PCDHA2: variants seen among roughly 807,000 people sequenced by gnomAD.
PCDHA2 encodes protocadherin alpha 2, also known as protocadherin alpha-2.
PCDHA2 carries 58 observed loss-of-function variants against 66.0 expected under a neutral mutation model. The ratio of observed to expected loss-of-function variants is 0.88; its 90% CI spans 0.71 to 1.09. The LOEUF (loss-of-function observed/expected upper bound fraction) is 1.09, where lower values mean the gene tolerates loss of function less well. Ranked by LOEUF, PCDHA2 falls within the 50% of genes least tolerant of loss-of-function variation. PCDHA2 has a pLI of 0.00. For synonymous variants in PCDHA2, 634 were observed against 554.0 expected, an observed-to-expected ratio of 1.14 and a Z score of -2.03; for missense variants, 1,267 against 1,242.3, an observed-to-expected ratio of 1.02 and a Z score of -0.30.
In PCDHA2 at chr5:140,843,009, C is replaced by T. The variant is rs2150350021; in HGVS notation, c.2388+45657C>T. ...GTGCTGGACGAGAATGACAACGCGC[C>T]GGCACTGCTGGAGCCTCGGGTGGGT... On this transcript the variant is annotated intron_variant, in intron 1 of 3. Coordinates refer to ENST00000526136, the MANE Select transcript of PCDHA2 (RefSeq NM_018905.3). 32 of 1,595,058 alleles carry T rather than the reference C, an allele frequency of 2.0e-5. 4 individuals carry two copies. In the Middle Eastern group the frequency reaches 6.8e-4, roughly 34 times the overall value.
chr5:140,803,196 G>A (rs782115337), intron 1 of PCDHA2: 2 of 1,613,924 alleles, frequency 1.2e-6, no homozygotes, highest in Middle Eastern at 3.3e-4. Flanking sequence ...CACTGTGCTG[G>A]TGTCGCTGGT....
At chr5:140,962,840 T>C (rs1554226297) in intron 1 of PCDHA2, among the ~76,000 whole-genome samples, 6 of 152,348 alleles carry the variant, frequency 3.9e-5, no homozygotes, top group African/African-American at 2.4e-5. Context: ...TTTTTTATTA[T>C]ATAACTTGTG....
chr5:140,847,794 A>G (rs1581138286), intron 1 of PCDHA2: 1 of 149,890 alleles, frequency 6.7e-6, no homozygotes, highest in Admixed American at 6.7e-5. Context: ...GCAATATTTT[A>G]TACCTTTTCA....
chr5:140,836,668 A>G (rs1404155432), intron 1 of PCDHA2: 5 of 1,613,218 alleles, frequency 3.1e-6, no homozygotes, highest in East Asian at 4.5e-5. Context: ...TGCTCTGGGG[A>G]GGGCCCACCC....
intron 1 of PCDHA2, among the ~76,000 whole-genome samples, chr5:140,914,983 G>C (rs2076933598): frequency 7.2e-6 from 1 of 139,166 alleles, no homozygotes; most frequent in Non-Finnish European, 1.5e-5. Context: ...GTCTTGCTCT[G>C]CTACCAGGCT....
chr5:140,857,567 G>T (rs139473255), intron 1 of PCDHA2: 8 of 1,596,870 alleles, frequency 5.0e-6, no homozygotes, highest in African/African-American at 2.7e-5. Flanking sequence ...GTCGAGCTAC[G>T]TGTCGGTGCA....
rs2045560608 is a variant in PCDHA2 at position 140,858,685 on chromosome 5, T to G, written c.2388+61333T>G. The G allele has an allele frequency of 1.3e-5, 8 of 595,874 alleles. No homozygotes were observed. The South Asian group carries it at 1.9e-4, about 14-fold the overall frequency. 36.9% of individuals were successfully genotyped at this position (595,874 alleles called of 1,614,324 possible). On this transcript the variant is annotated intron_variant, in intron 1 of 3. Transcript: ENST00000526136. ...TAACAATTTATTCTGAATACACTAA[T>G]ATTTTCCAATACAAATATGTGATAT... is the stretch of plus-strand genomic sequence containing the variant.
chr5:140,946,384 G>A (rs2093939169), intron 1 of PCDHA2, among the ~76,000 whole-genome samples: 1 of 151,758 alleles, frequency 6.6e-6, no homozygotes, highest in Non-Finnish European at 1.5e-5. Context: ...CGGTTGGTAG[G>A]AATGTAAATT....
At chr5:140,850,132 G>A (rs2150469208) in intron 1 of PCDHA2, 1 of 1,595,756 alleles carries the variant, frequency 6.3e-7, no homozygotes, top group East Asian at 2.2e-5. Flanking sequence ...CCGCCTCTGG[G>A]CAGCAACGTG....
chr5:140,868,857 T>A (rs2050685848), intron 1 of PCDHA2: 1 of 499,740 alleles, frequency 2.0e-6, no homozygotes, highest in Admixed American at 3.8e-5. Context: ...TCTGTGGTGG[T>A]AAATGCAGTG....
chr5:140,988,535 A>T (rs1426235004), intron 3 of PCDHA2, among the ~76,000 whole-genome samples: 2 of 152,164 alleles, frequency 1.3e-5, no homozygotes, highest in Non-Finnish European at 2.9e-5. Flanking sequence ...GGCTCCATCC[A>T]TTCATGACTT....
At chr5:140,870,796 C>T in intron 1 of PCDHA2, 1 of 1,613,694 alleles carries the variant, frequency 6.2e-7, no homozygotes, top group Non-Finnish European at 8.5e-7. Flanking sequence ...GCCGGCACTG[C>T]TGGCGACTCA....
chr5:140,820,690 A>G (rs2150107620), intron 1 of PCDHA2, among the ~76,000 whole-genome samples: 111 of 152,212 alleles, frequency 7.3e-4, no homozygotes, highest in Admixed American at 2.2e-3. Context: ...TAATAAAATG[A>G]TATTCTTTTC....
intron 1 of PCDHA2, chr5:140,812,592 T>G (rs2126640143): frequency 6.6e-6 from 1 of 152,258 alleles, no homozygotes; most frequent in African/African-American, 2.4e-5. Context: ...CTTTCTTCAT[T>G]TTTAGTGTAG....
intron 1 of PCDHA2, chr5:140,866,192 G>A (rs2049201997): frequency 6.6e-6 from 1 of 152,028 alleles, no homozygotes; most frequent in Non-Finnish European, 1.5e-5. Context: ...AGAAAACTGT[G>A]GTTTCCAATA....
At position 140,855,852 on chromosome 5, in the gene PCDHA2, G is replaced by A. The variant is rs1233260488; in HGVS notation, c.2388+58500G>A. 21 of 674,672 alleles carry A rather than the reference G, an allele frequency of 3.1e-5. 2 individuals carry two copies. The highest frequency in any genetic ancestry group is 4.6e-5 in the Non-Finnish European group (19 of 409,080). 41.8% of individuals were successfully genotyped at this position (674,672 alleles called of 1,614,324 possible). On this transcript the variant is annotated intron_variant, in intron 1 of 3. Coordinates refer to ENST00000526136, the MANE Select transcript of PCDHA2 (RefSeq NM_018905.3). The stretch of plus-strand genomic sequence containing the variant: ...ATCGTACTTACACCTAAAGCCACCG[G>A]ATGTCGCTGTCGTCCACAAAATAGC...
At chr5:140,870,656 C>T (rs782506518) in intron 1 of PCDHA2, 22 of 1,612,360 alleles carry the variant, frequency 1.4e-5, no homozygotes, top group Non-Finnish European at 1.7e-6. Flanking sequence ...AAGGTGTACG[C>T]GCTGCAGCCG....
intron 1 of PCDHA2, chr5:140,927,070 A>G (rs1697871410): frequency 1.9e-6 from 3 of 1,610,816 alleles, no homozygotes; most frequent in Non-Finnish European, 2.5e-6. Context: ...CTTCCTTTCC[A>G]GCCACCGCGA....
intron 1 of PCDHA2, among the ~76,000 whole-genome samples, chr5:140,962,298 A>T (rs2095671297): frequency 6.6e-6 from 1 of 152,204 alleles, no homozygotes; most frequent in South Asian, 2.1e-4. Context: ...ATATTCTATG[A>T]TTCTTGTTAG....
Sources: gnomAD v4.1 joint callset for allele counts (sites outside exome capture counted in the v4.1 genomes callset) on GRCh38, gnomAD v4.1.1 for gene constraint, MANE v1.5 for transcripts, NCBI Gene and HGNC (gene_info 2026-07-23, HGNC 2026-07-21) for gene names.